RPS6KC1: variants seen among roughly 807,000 people sequenced by gnomAD.
RPS6KC1 encodes the protein ribosomal protein S6 kinase C1.
In RPS6KC1, 54 loss-of-function variants were observed where a neutral mutation model predicts 103.8. The ratio of observed to expected loss-of-function variants is 0.52; its 90% confidence interval spans 0.42 to 0.65. The LOEUF (loss-of-function observed/expected upper bound fraction) is 0.65, where lower values mean the gene tolerates loss of function less well. RPS6KC1 is among the 30% of genes least tolerant of loss of function. The pLI is 0.00. For missense variants in RPS6KC1, 1,151 were observed against 1,253.8 expected (o/e 0.92, Z 1.24); for synonymous variants, 439 against 438.7 (o/e 1.00, Z -0.01).
chr1:213,085,921 C>CT (rs35296945), intron 3 of RPS6KC1, among the ~76,000 whole-genome samples: 113 of 148,492 alleles, frequency 7.6e-4, no homozygotes, highest in Non-Finnish European at 1.1e-3. Context: ...ATCCTATTTT[C>CT]TTTTTTTTTT....
rs76847559 is a variant in RPS6KC1 at position 213,087,878 on chromosome 1, C to T, written c.262+10062C>T. Reference sequence around the variant, plus strand: ...AGTTGTTTCCTGTGTCCCTTGTTCCCCCTCCCTGCCAACACATTTTGGACT... The same window carrying T: ...AGTTGTTTCCTGTGTCCCTTGTTCCTCCTCCCTGCCAACACATTTTGGACT... On this transcript the variant is annotated intron_variant, in intron 3 of 14. Transcript: ENST00000366960. Among the ~76,000 whole-genome samples the T allele has an allele frequency of 9.3e-3, 1,414 of 152,262 alleles. 48 individuals carry two copies. Among genetic ancestry groups the T allele is most frequent in the East Asian group, 0.071 (368 of 5,174 alleles).
the RPS6KC1 span, among the ~76,000 whole-genome samples, chr1:213,348,213 C>T: frequency 6.6e-6 from 1 of 152,112 alleles, no homozygotes; most frequent in African/African-American, 2.4e-5. Flanking sequence ...GCCCCAGAGA[C>T]GATATTTTCT....
At chr1:213,792,006 C>T in the RPS6KC1 span, among the ~76,000 whole-genome samples, 1 of 152,190 alleles carries the variant, frequency 6.6e-6, no homozygotes, top group Non-Finnish European at 1.5e-5. Flanking sequence ...CTATGAGACG[C>T]ATTGAAGCTA....
chr1:213,408,578 T>C, the RPS6KC1 span, among the ~76,000 whole-genome samples: 1 of 152,202 alleles, frequency 6.6e-6, no homozygotes, highest in Admixed American at 6.5e-5. Flanking sequence ...GAATTCTACC[T>C]CAAGACTGCG....
At chr1:213,434,614 C>A in the RPS6KC1 span, among the ~76,000 whole-genome samples, 1 of 152,128 alleles carries the variant, frequency 6.6e-6, no homozygotes. Context: ...TGCCTCCACA[C>A]CCAGCTAATT....
the RPS6KC1 span, among the ~76,000 whole-genome samples, chr1:213,374,522 G>A: frequency 6.6e-6 from 1 of 152,192 alleles, no homozygotes; most frequent in South Asian, 2.1e-4. Flanking sequence ...TTCTCGGTGA[G>A]AAAAGAGGGT....
chr1:213,454,268 A>C, the RPS6KC1 span, among the ~76,000 whole-genome samples: 2 of 152,204 alleles, frequency 1.3e-5, no homozygotes, highest in African/African-American at 4.8e-5. Flanking sequence ...GAAATTTATT[A>C]ATATGAATAT....
the RPS6KC1 span, among the ~76,000 whole-genome samples, chr1:213,552,627 C>T: frequency 1.3e-5 from 2 of 151,976 alleles, no homozygotes; most frequent in Non-Finnish European, 2.9e-5. Context: ...ATATTTTCTC[C>T]CAGGCCGTGG....
chr1:213,617,560 G>C, the RPS6KC1 span, among the ~76,000 whole-genome samples: 580 of 152,354 alleles, frequency 3.8e-3, 6 homozygotes, highest in African/African-American at 0.013. Context: ...CTTATTATGA[G>C]TGGGTTATGA....
chr1:213,517,013 A>G, the RPS6KC1 span, among the ~76,000 whole-genome samples: 5 of 152,070 alleles, frequency 3.3e-5, no homozygotes, highest in Non-Finnish European at 7.4e-5. Flanking sequence ...GTTTATTTGC[A>G]TAGAGGTGTT....
chr1:213,279,335 TC>T (rs1385521631), downstream of RPS6KC1, among the ~76,000 whole-genome samples: 1 of 152,154 alleles, frequency 6.6e-6, no homozygotes, highest in African/African-American at 2.4e-5. Context: ...GGTAGAGTGT[TC>T]CTATCAAATA....
chr1:213,842,759 CA>C, the RPS6KC1 span, among the ~76,000 whole-genome samples: 1 of 152,128 alleles, frequency 6.6e-6, no homozygotes, highest in Non-Finnish European at 1.5e-5. Flanking sequence ...GACAAAATAA[CA>C]AAGTGATAAA....
the RPS6KC1 span, among the ~76,000 whole-genome samples, chr1:213,657,660 G>A: frequency 2.0e-5 from 3 of 152,212 alleles, no homozygotes; most frequent in Admixed American, 6.5e-5. Context: ...AAACACATGT[G>A]AATAATGAAT....
At chr1:213,246,466 G>A (rs2094456013) in intron 12 of RPS6KC1, among the ~76,000 whole-genome samples, 1 of 152,032 alleles carries the variant, frequency 6.6e-6, no homozygotes, top group Non-Finnish European at 1.5e-5. Context: ...AGGGATTAGA[G>A]AATAAAAACT....
the RPS6KC1 span, among the ~76,000 whole-genome samples, chr1:213,834,925 A>G: frequency 6.6e-6 from 1 of 152,184 alleles, no homozygotes; most frequent in East Asian, 1.9e-4. Flanking sequence ...AAAGTCTCTC[A>G]TTGACATTCT....
chr1:213,616,392 A>T, the RPS6KC1 span, among the ~76,000 whole-genome samples: 13 of 152,190 alleles, frequency 8.5e-5, no homozygotes, highest in Admixed American at 1.3e-4. Flanking sequence ...AGCCCAGAGG[A>T]TGAGAAGACC....
chr1:213,625,321 T>C, the RPS6KC1 span, among the ~76,000 whole-genome samples: 2 of 152,372 alleles, frequency 1.3e-5, no homozygotes, highest in Admixed American at 6.5e-5. Flanking sequence ...ACTATATTTT[T>C]ATATGTGTGT....
chr1:213,400,811 A>G, the RPS6KC1 span, among the ~76,000 whole-genome samples: 170 of 150,794 alleles, frequency 1.1e-3, no homozygotes, highest in Non-Finnish European at 1.8e-3. Flanking sequence ...GGTTCACGCC[A>G]TTCTCCTGCC....
chr1:213,259,111 A>G (rs2149084070), intron 12 of RPS6KC1, among the ~76,000 whole-genome samples: 1 of 152,356 alleles, frequency 6.6e-6, no homozygotes, highest in South Asian at 2.1e-4. Context: ...TGTGGAAAAA[A>G]CTATGCAGAT....
Sources: allele counts gnomAD v4.1 joint callset (sites outside exome capture counted in the v4.1 genomes callset), GRCh38; gene constraint gnomAD v4.1.1; transcripts MANE v1.5; gene names NCBI Gene and HGNC (gene_info 2026-07-23, HGNC 2026-07-21).